The following PITPNC1 variants were observed in gnomAD, a reference collection of about 807,000 sequenced individuals.
The protein encoded by PITPNC1 is phosphatidylinositol transfer protein cytoplasmic 1, also known as cytoplasmic phosphatidylinositol transfer protein 1.
PITPNC1 carries 18 observed loss-of-function variants against 44.7 expected under a neutral mutation model. The observed-to-expected ratio is 0.40, with a 90% CI of 0.28 to 0.60. The LOEUF (loss-of-function observed/expected upper bound fraction) is 0.60, where lower values mean the gene tolerates loss of function less well. Ranked by LOEUF, PITPNC1 falls within the 20% of genes least tolerant of loss-of-function variation. The probability of loss-of-function intolerance (pLI) is 0.39; values close to 1 mark genes in which losing one functional copy is unlikely to be tolerated. For synonymous variants in PITPNC1, 141 were observed against 149.6 expected (o/e 0.94, Z 0.42); for missense variants, 290 against 418.4 (o/e 0.69, Z 2.68).
chr17:67,403,964 G>A (rs2038360225), intron 1 of PITPNC1, among the ~76,000 whole-genome samples: 1 of 152,220 alleles, frequency 6.6e-6, no homozygotes, highest in Non-Finnish European at 1.5e-5. Flanking sequence ...GGAGGTTGCA[G>A]TGAGCCGAGA....
intron 8 of PITPNC1, among the ~76,000 whole-genome samples, chr17:67,686,748 G>C (rs2042823680): frequency 6.6e-6 from 1 of 152,168 alleles, no homozygotes. Flanking sequence ...ATCTTCTAAT[G>C]ATGCTTTAGG....
At chr17:67,583,122 A>G (rs1037750101) in intron 5 of PITPNC1, among the ~76,000 whole-genome samples, 1 of 152,204 alleles carries the variant, frequency 6.6e-6, no homozygotes, top group Non-Finnish European at 1.5e-5. Flanking sequence ...GCCAATAAGC[A>G]TGAAGGACAG....
At chr17:67,378,839 C>T (rs2037912333) in intron 1 of PITPNC1, 2 of 293,496 alleles carry the variant, frequency 6.8e-6, no homozygotes, top group Middle Eastern at 1.7e-3. Flanking sequence ...TTGTTTCTTC[C>T]GCCGCGGGGA....
intron 1 of PITPNC1, among the ~76,000 whole-genome samples, chr17:67,512,508 A>AAAC (rs2040201007): frequency 1.3e-5 from 2 of 150,648 alleles, no homozygotes; most frequent in African/African-American, 4.9e-5. Context: ...CTCAAAAAAA[A>AAAC]AAAAAAAAAA....
Position 67,670,445 on chromosome 17 carries a change from T to C in PITPNC1, c.618+782T>C, listed in dbSNP as rs1279717883. Among the ~76,000 whole-genome samples the C allele has an allele frequency of 2.4e-4, 36 of 152,182 alleles. 1 individual carries two copies. Among genetic ancestry groups the C allele is most frequent in the Admixed American group, 2.4e-3 (36 of 15,272 alleles). On this transcript the variant is annotated intron_variant, in intron 7 of 8. Coordinates refer to ENST00000581322, the MANE Select transcript of PITPNC1 (RefSeq NM_012417.4). ...GTATACCCCAGCATTTCTGCTTCTT[T>C]AATAATTCTGTTACTAAAGTAGCCA...
At chr17:67,629,116 C>G (rs1370001991) in intron 5 of PITPNC1, among the ~76,000 whole-genome samples, 3 of 152,102 alleles carry the variant, frequency 2.0e-5, no homozygotes, top group African/African-American at 7.2e-5. Context: ...GTCATGCCCC[C>G]CCTTCATCCG....
Position 67,452,833 on chromosome 17 carries a change from G to A in PITPNC1, c.48+74631G>A, listed in dbSNP as rs184703392. Among the ~76,000 whole-genome samples the A allele has an allele frequency of 1.7e-4, 26 of 152,310 alleles. No individual in the cohort carries two copies. The East Asian group carries it at 4.6e-3, about 27-fold the overall frequency. On this transcript the variant is annotated intron_variant, in intron 1 of 8. Coordinates refer to ENST00000581322, the MANE Select transcript of PITPNC1 (RefSeq NM_012417.4). ...TGTTTAACTTATAAAGAAATTGCCA[G>A]GCTGTTTTCCAAAGTAGTTCTTGCA...
chr17:67,532,959 T>TGG lies in PITPNC1; in HGVS notation c.197+10_197+11dup, dbSNP rs771514295. 4.4e-6 allele frequency: 7 copies of TGG among 1,603,980 alleles called. No individual in the cohort carries two copies. In the East Asian group the frequency reaches 1.6e-4, roughly 36 times the overall value. ...CGGGTGTATCTCAACAGGTGAGTCATGGCAGCCTGCGTTCTGCACAGAAGC... is the reference window on the plus strand; with the variant it reads ...CGGGTGTATCTCAACAGGTGAGTCATGGGGCAGCCTGCGTTCTGCACAGAAGC... On this transcript the variant is annotated intron_variant, in intron 2 of 8. Transcript: ENST00000581322.
intron 1 of PITPNC1, among the ~76,000 whole-genome samples, chr17:67,406,433 A>G (rs943188533): frequency 1.3e-5 from 2 of 152,128 alleles, no homozygotes; most frequent in Non-Finnish European, 2.9e-5. Context: ...GGATTTGCCT[A>G]TTCTGGACAT....
chr17:67,402,037 T>A (rs1351587063), intron 1 of PITPNC1, among the ~76,000 whole-genome samples: 2 of 152,164 alleles, frequency 1.3e-5, no homozygotes, highest in Non-Finnish European at 2.9e-5. Context: ...AGAGGTCAAC[T>A]AACTTTTTCT....
intron 4 of PITPNC1, among the ~76,000 whole-genome samples, chr17:67,564,900 C>G (rs141373510): frequency 6.6e-6 from 1 of 152,072 alleles, no homozygotes; most frequent in Non-Finnish European, 1.5e-5. Context: ...TTCCACTACT[C>G]TCCTCCATGA....
In PITPNC1 at chr17:67,597,686, T is replaced by C. The variant is rs1371758024; in HGVS notation, c.366+19429T>C. On this transcript the variant is annotated intron_variant, in intron 5 of 8. Coordinates refer to ENST00000581322, the MANE Select transcript of PITPNC1 (RefSeq NM_012417.4). The surrounding 1 kb of genome is among the most constrained non-coding windows in gnomAD (Gnocchi z 4.0). The stretch of plus-strand genomic sequence containing the variant: ...ATGCTTTTAATGGTGCCTTAATTCA[T>C]CGTACAAGAAACATTTGTTAAACAT... Among the ~76,000 whole-genome samples the C allele has an allele frequency of 1.3e-5, 2 of 152,358 alleles. No individual in the cohort carries two copies. The highest frequency in any genetic ancestry group is 2.9e-5 in the Non-Finnish European group (2 of 68,038).
chr17:67,630,420 C>G (rs1253310193), intron 5 of PITPNC1, among the ~76,000 whole-genome samples: 1 of 152,094 alleles, frequency 6.6e-6, no homozygotes, highest in Non-Finnish European at 1.5e-5. Context: ...GAGTTCAAGA[C>G]CAGCCTGGCC....
intron 5 of PITPNC1, 80 bp downstream of exon 5, chr17:67,578,337 C>A: frequency 4.2e-6 from 4 of 948,978 alleles, no homozygotes; most frequent in Non-Finnish European, 6.7e-6. Flanking sequence ...CCTCTGTGAC[C>A]AGGGCCAGCA....
intron 6 of PITPNC1, among the ~76,000 whole-genome samples, chr17:67,654,556 G>A (rs924702429): frequency 2.6e-5 from 4 of 152,154 alleles, no homozygotes; most frequent in East Asian, 3.9e-4. Context: ...TGTGCATCAC[G>A]CACCTTCTAT....
At chr17:67,540,789 G>A (rs2040596028) in intron 2 of PITPNC1, among the ~76,000 whole-genome samples, 1 of 152,174 alleles carries the variant, frequency 6.6e-6, no homozygotes. Context: ...AAAATAATGT[G>A]ATTTAGTAAT....
At chr17:67,441,142 T>C (rs531409748) in intron 1 of PITPNC1, among the ~76,000 whole-genome samples, 14 of 152,250 alleles carry the variant, frequency 9.2e-5, no homozygotes, top group Admixed American at 8.5e-4. Context: ...AGTAACTGAT[T>C]TCCTGTTTAG....
At chr17:67,598,751 G>A (rs2041492586) in intron 5 of PITPNC1, among the ~76,000 whole-genome samples, 1 of 151,690 alleles carries the variant, frequency 6.6e-6, no homozygotes, top group Admixed American at 6.6e-5. Flanking sequence ...AAATTAGCTG[G>A]GCATGGTGGT....
At chr17:67,634,727 G>C (rs953967672) in intron 6 of PITPNC1, among the ~76,000 whole-genome samples, 1 of 152,036 alleles carries the variant, frequency 6.6e-6, no homozygotes, top group South Asian at 2.1e-4. Flanking sequence ...CTGAATTTAA[G>C]AGGATAGGAT....
Sources: gnomAD v4.1 joint callset for allele counts (sites outside exome capture counted in the v4.1 genomes callset) on GRCh38, gnomAD v4.1.1 for gene constraint, Gnocchi (gnomAD v3.1) non-coding constraint, MANE v1.5 for transcripts, NCBI Gene and HGNC (gene_info 2026-07-23, HGNC 2026-07-21) for gene names.